The following DND1 variants were observed in gnomAD, a reference collection of about 807,000 sequenced individuals.
DND1 encodes DND microRNA-mediated repression inhibitor 1.
In DND1, 6 loss-of-function variants were observed where a neutral mutation model predicts 30.4. The ratio of observed to expected loss-of-function variants is 0.20; its 90% CI spans 0.11 to 0.39. DND1 has a LOEUF of 0.39. Ranked by LOEUF, DND1 falls within the 10% of genes least tolerant of loss-of-function variation. The pLI, the probability that DND1 is intolerant of heterozygous loss-of-function variation, is 1.00. For missense variants in DND1, 358 were observed against 474.9 expected (o/e 0.75, Z 2.29); for synonymous variants, 178 against 210.4 (o/e 0.85, Z 1.33).
Position 140,673,281 on chromosome 5 carries a change from C to A in DND1, c.132G>T (p.Gly44=), listed in dbSNP as rs1758145210. The change falls in exon 2 of 4, where the codon GGG becomes GGT. Residue 44 remains glycine, a synonymous_variant. Coordinates refer to ENST00000542735, the MANE Select transcript of DND1 (RefSeq NM_194249.3). ...VQVNGQRKYG[G]PPPGWVGSPP... is the part of the protein sequence containing the mutation. ...CTGGGACTACCGTACCTGGGGGTGG[C>A]CCGCCATACTTCCTCTGCCCGTTCA... is the stretch of plus-strand genomic sequence containing the variant. The A allele has an allele frequency of 3.1e-6, 5 of 1,613,542 alleles. No homozygotes were observed. Among genetic ancestry groups the A allele is most frequent in the Non-Finnish European group, 4.2e-6 (5 of 1,179,982 alleles).
At chr5:140,672,329 G>A in intron 3 of DND1, 116 bp downstream of exon 3, 1 of 1,127,174 alleles carries the variant, frequency 8.9e-7, no homozygotes, top group Non-Finnish European at 1.3e-6. Context: ...AATAGTAAAA[G>A]GTTGCAAATT....
Position 140,671,186 on chromosome 5 carries a change from C to T in DND1, c.*107G>A. ...GAGGCTGATGGGCCTGGGCCCATGC[C>T]CCTCCCCACCTTTGGGGGTCAGAAA... On this transcript the variant is annotated 3_prime_UTR_variant, in exon 4 of 4. Transcript: ENST00000542735. The T allele has an allele frequency of 1.4e-6, 2 of 1,438,364 alleles. No homozygotes were observed. The highest frequency in any genetic ancestry group is 1.7e-5 in the Admixed American group (1 of 57,938). The allele number at this position is 1,438,364 out of a possible 1,614,324, so 89.1% of individuals were successfully genotyped here.
intron 3 of DND1, chr5:140,672,208 G>T: frequency 1.7e-6 from 1 of 590,304 alleles, no homozygotes; most frequent in Non-Finnish European, 3.0e-6. Context: ...TTTGCGGTGT[G>T]GGGGTGGGGG....
intron 2 of DND1, 96 bp from the exon 3 acceptor site, chr5:140,673,002 A>C: frequency 2.2e-6 from 3 of 1,366,462 alleles, no homozygotes; most frequent in Non-Finnish European, 3.0e-6. Flanking sequence ...GATGTGAACA[A>C]AGGTCTGTGA....
At chr5:140,673,042 T>C in intron 2 of DND1, 136 bp from the exon 3 acceptor site, 1 of 1,131,374 alleles carries the variant, frequency 8.8e-7, no homozygotes, top group Non-Finnish European at 1.3e-6. Context: ...CCTGGGTGGT[T>C]GGCATAATTA....
Position 140,670,976 on chromosome 5 carries a change from G to T in DND1, c.*317C>A, listed in dbSNP as rs1758057647. The T allele has an allele frequency of 2.2e-6, 1 of 452,244 alleles. No homozygotes were observed. The highest frequency in any genetic ancestry group is 4.2e-5 in the East Asian group (1 of 23,598). The allele number at this position is 452,244 out of a possible 1,614,324, so 28.0% of individuals were successfully genotyped here. A position where few individuals can be genotyped will look rare whatever the true frequency, so the allele number is the denominator to read the frequency against. On this transcript the variant is annotated 3_prime_UTR_variant, in exon 4 of 4. Coordinates refer to ENST00000542735, the MANE Select transcript of DND1 (RefSeq NM_194249.3). ...GAGGACAAATCAGGACAATAAAGAA[G>T]ATTCATGCTAAGCTGTGGCAGAGGG...
At chr5:140,673,439 C>G (rs1758154038) in intron 1 of DND1, 51 bp from the exon 2 acceptor site, 5 of 1,613,692 alleles carry the variant, frequency 3.1e-6, no homozygotes, top group Non-Finnish European at 4.2e-6. Flanking sequence ...GCGCCCCCAC[C>G]TCTCCTGTGG....
In DND1 at chr5:140,672,784, G is replaced by A. The variant is rs1242511764; in HGVS notation, c.265C>T (p.Leu89=). The change falls in exon 3 of 4, where the codon CTG becomes TTG. Residue 89 remains leucine (L), a synonymous_variant. Coordinates refer to ENST00000542735, the MANE Select transcript of DND1 (RefSeq NM_194249.3). ...TTCAGGCCGCTGAAGGTCATCATCA[G>A]GCGGAACTCGTAGAGGCGGCCCACG... The part of the protein sequence containing the change: ...QRVGRLYEFR[L]MMTFSGLNRG... 1 of 1,586,514 alleles carries A rather than the reference G, an allele frequency of 6.3e-7. No individual in the cohort carries two copies. The highest frequency in any genetic ancestry group is 8.5e-7 in the Non-Finnish European group (1 of 1,173,354).
chr5:140,672,675 G>A lies in DND1; in HGVS notation c.374C>T (p.Pro125Leu). 6.3e-7 allele frequency: 1 copy of A among 1,577,294 alleles called. No homozygotes were observed. Among genetic ancestry groups the A allele is most frequent in the Non-Finnish European group, 8.5e-7 (1 of 1,169,710 alleles). The change falls in exon 3 of 4, where the codon CCG becomes CTG. Residue 125 changes from proline to leucine, a missense_variant. Pro to Leu is a moderately conservative substitution (Grantham distance 98, BLOSUM62 -3). Coordinates refer to ENST00000542735, the MANE Select transcript of DND1 (RefSeq NM_194249.3). ...IATLHNHPLR[P>L]SCPLLVCRST... Reference sequence around the variant, plus strand: ...GCGGCACACGAGCAGCGGGCAGGACGGCCGCAGCGGATGGTTGTGCAGCGT... The same window carrying A: ...GCGGCACACGAGCAGCGGGCAGGACAGCCGCAGCGGATGGTTGTGCAGCGT...
chr5:140,673,484 G>C, intron 1 of DND1, 35 bp downstream of exon 1: 1 of 1,608,102 alleles, frequency 6.2e-7, no homozygotes, highest in Non-Finnish European at 8.5e-7. Context: ...CCGCTCCGGC[G>C]GGGCTCGCCG....
rs1758072677 is a variant in DND1, at chr5:140,671,494, G to A, written c.861C>T (p.Arg287=). 1.3e-6 allele frequency: 2 copies of A among 1,596,630 alleles called. No homozygotes were observed. The highest frequency in any genetic ancestry group is 4.6e-5 in the East Asian group (2 of 43,606). Residue 287 remains arginine, a synonymous_variant, in exon 4 of 4, where the codon CGC becomes CGT. Transcript: ENST00000542735. ...CAGGAATCACCACCTGGTACCAGAA[G>A]CGGTGCCAGCCAGCAGGTCCTATGC... is the stretch of plus-strand genomic sequence containing the variant. ...CLGIGPAGWH[R]FWYQVVIPGH...
intron 3 of DND1, 142 bp from the exon 4 acceptor site, chr5:140,671,892 T>C: frequency 1.1e-6 from 1 of 937,206 alleles, no homozygotes; most frequent in Non-Finnish European, 1.7e-6. Context: ...GAAAAGACAA[T>C]GAAGCCTTCA....
Position 140,672,580 on chromosome 5 carries a change from C to A in DND1, c.469G>T (p.Ala157Ser), listed in dbSNP as rs1370167532. The change falls in exon 3 of 4, where the codon GCG becomes TCG. Residue 157 changes from alanine (A) to serine (S), a missense_variant. Physicochemically the swap from Ala to Ser is moderately conservative, Grantham distance 99 (BLOSUM62 1). Around this residue, in one of 3 missense-constraint regions of DND1, gnomAD observed 62 missense variants for 40.6 expected, o/e 1.53. Transcript: ENST00000542735. ...AAGCCGGGACCCAGCGGCTGCAGCG[C>A]GAGCAGCAGCGCGCTGCGGGTCAGA... ...PNLTRSALLL[A>S]LQPLGPGLQE... is the part of the protein sequence containing the mutation. The A allele has an allele frequency of 3.2e-6, 5 of 1,577,972 alleles. No individual in the cohort carries two copies. In the African/African-American group the frequency reaches 6.7e-5, roughly 21 times the overall value.
At chr5:140,672,947 T>C in intron 2 of DND1, 41 bp from the exon 3 acceptor site, 6 of 1,534,198 alleles carry the variant, frequency 3.9e-6, no homozygotes, top group Non-Finnish European at 5.2e-6. Context: ...CAGGCGACGC[T>C]TTCGAATTCT....
At position 140,672,690 on chromosome 5, in the gene DND1, T is replaced by C; in HGVS notation, c.359A>G (p.Asn120Ser). 3.8e-6 allele frequency: 6 copies of C among 1,581,718 alleles called. No homozygotes were observed. Among genetic ancestry groups the C allele is most frequent in the Non-Finnish European group, 5.1e-6 (6 of 1,171,768 alleles). ...CGGGCAGGACGGCCGCAGCGGATGG[T>C]TGTGCAGCGTGGCGATGGCGGCCTG... ...GAQAAIATLH[N>S]HPLRPSCPLL... Residue 120 changes from asparagine to serine, a missense_variant, in exon 3 of 4, where the codon AAC becomes AGC. By Grantham distance (46) the Asn-to-Ser change is conservative (BLOSUM62 1). Coordinates refer to ENST00000542735, the MANE Select transcript of DND1 (RefSeq NM_194249.3).
intron 3 of DND1, 128 bp downstream of exon 3, chr5:140,672,317 C>T: frequency 9.7e-7 from 1 of 1,028,860 alleles, no homozygotes; most frequent in Non-Finnish European, 1.4e-6. Flanking sequence ...AATCTGAGAT[C>T]AAATAGTAAA....
At position 140,672,721 on chromosome 5, in the gene DND1, C is replaced by T. The variant is rs1484600746; in HGVS notation, c.328G>A (p.Gly110Ser). Residue 110 changes from glycine to serine, a missense_variant, in exon 3 of 4, where the codon GGC (glycine) becomes AGC (serine). This residue lies in a region of DND1 where 120 missense variants were observed against 199.1 expected (regional missense o/e 0.60). Coordinates refer to ENST00000542735, the MANE Select transcript of DND1 (RefSeq NM_194249.3). ...AGCGTGGCGATGGCGGCCTGCGCGC[C>T]GCGCCTCGAGCTGTAGCGGGCATAG... ...FAYARYSSRR[G>S]AQAAIATLHN... 5 of 1,582,516 alleles carry T rather than the reference C, an allele frequency of 3.2e-6. No homozygotes were observed. The East Asian group carries it at 6.8e-5, about 22-fold the overall frequency.
chr5:140,673,193 C>T, intron 2 of DND1, 78 bp downstream of exon 2: 1 of 1,500,948 alleles, frequency 6.7e-7, no homozygotes, highest in Non-Finnish European at 9.3e-7. Context: ...CAGTTTCTGA[C>T]AGTGAAGGCT....
At chr5:140,673,447 T>G in intron 1 of DND1, 59 bp from the exon 2 acceptor site, 1 of 1,613,532 alleles carries the variant, frequency 6.2e-7, no homozygotes, top group Non-Finnish European at 8.5e-7. Flanking sequence ...ACCTCTCCTG[T>G]GGTACTGGGG....
Sources: gnomAD v4.1 joint callset for allele counts on GRCh38, gnomAD v4.1.1 for gene constraint, gnomAD v4.1.1 regional missense constraint, MANE v1.5 for transcripts, NCBI Gene and HGNC (gene_info 2026-07-23, HGNC 2026-07-21) for gene names.